The following ARK2N variants were observed in gnomAD, a reference collection of about 807,000 sequenced individuals.
ARK2N encodes the protein arkadia (RNF111) N-terminal like PKA signaling regulator 2N.
the ARK2N span, among the ~76,000 whole-genome samples, chr18:46,239,286 T>A: frequency 6.6e-6 from 1 of 152,198 alleles, no homozygotes; most frequent in African/African-American, 2.4e-5. Flanking sequence ...TCTTGTAAAA[T>A]CACCCATAAG....
chr18:46,185,365 T>A, the ARK2N span, among the ~76,000 whole-genome samples: 1 of 152,206 alleles, frequency 6.6e-6, no homozygotes, highest in Non-Finnish European at 1.5e-5. Context: ...ACTCTTAACT[T>A]CTTGGGCTTA....
the ARK2N span, among the ~76,000 whole-genome samples, chr18:46,181,301 T>C: frequency 2.0e-5 from 3 of 152,098 alleles, no homozygotes; most frequent in Non-Finnish European, 4.4e-5. Context: ...GTAATGCCAG[T>C]TCATTTACAA....
the ARK2N span, chr18:46,231,864 C>G: frequency 6.6e-6 from 1 of 151,842 alleles, no homozygotes; most frequent in African/African-American, 2.4e-5. Context: ...AAGTGATTCT[C>G]CTGCCTCAGC....
chr18:46,259,532 G>A, the ARK2N span, among the ~76,000 whole-genome samples: 3 of 151,900 alleles, frequency 2.0e-5, no homozygotes, highest in Admixed American at 6.6e-5. Flanking sequence ...GTGAGCCACC[G>A]CGCCCAGCCA....
chr18:46,225,921 C>T, the ARK2N span, among the ~76,000 whole-genome samples: 1 of 152,186 alleles, frequency 6.6e-6, no homozygotes, highest in Admixed American at 6.5e-5. Flanking sequence ...CATCCTCTTC[C>T]TTGCTTTTTA....
the ARK2N span, among the ~76,000 whole-genome samples, chr18:46,208,685 G>A: frequency 6.6e-6 from 1 of 151,828 alleles, no homozygotes; most frequent in African/African-American, 2.4e-5. Context: ...GGCCAGGATG[G>A]TCTCGATCTC....
the ARK2N span, among the ~76,000 whole-genome samples, chr18:46,205,032 C>T: frequency 6.6e-6 from 1 of 151,844 alleles, no homozygotes; most frequent in Non-Finnish European, 1.5e-5. Context: ...CAACTTCTGC[C>T]TCCTAGCTGG....
At chr18:46,233,994 G>C in the ARK2N span, among the ~76,000 whole-genome samples, 1 of 152,012 alleles carries the variant, frequency 6.6e-6, no homozygotes, top group Non-Finnish European at 1.5e-5. Context: ...GTAGTTTTTG[G>C]TATTTAAGGC....
the ARK2N span, chr18:46,174,387 C>T: frequency 6.6e-6 from 1 of 152,342 alleles, no homozygotes; most frequent in South Asian, 2.1e-4. Context: ...TTGGGGGGCC[C>T]GGGTTGCGTC....
the ARK2N span, among the ~76,000 whole-genome samples, chr18:46,214,652 T>C: frequency 6.6e-6 from 1 of 152,246 alleles, no homozygotes; most frequent in Admixed American, 6.5e-5. Context: ...TATGGTTAAT[T>C]GGAGTTGTAT....
the ARK2N span, among the ~76,000 whole-genome samples, chr18:46,234,783 C>G: frequency 2.0e-5 from 3 of 152,142 alleles, no homozygotes; most frequent in Non-Finnish European, 4.4e-5. Flanking sequence ...GATAACAGAA[C>G]CGGGCCTAGG....
the ARK2N span, among the ~76,000 whole-genome samples, chr18:46,230,941 C>A: frequency 6.6e-6 from 1 of 152,132 alleles, no homozygotes; most frequent in Non-Finnish European, 1.5e-5. Context: ...TGCTTTCTGC[C>A]TAGTTTGTGC....
chr18:46,198,498 T>C, the ARK2N span, among the ~76,000 whole-genome samples: 1 of 152,194 alleles, frequency 6.6e-6, no homozygotes, highest in African/African-American at 2.4e-5. Flanking sequence ...TTTTCACAAG[T>C]AAGAATTACT....
chr18:46,247,434 G>T, the ARK2N span, among the ~76,000 whole-genome samples: 2 of 152,080 alleles, frequency 1.3e-5, no homozygotes, highest in Non-Finnish European at 2.9e-5. Context: ...GAGATACTAA[G>T]AATTAACTAA....
the ARK2N span, among the ~76,000 whole-genome samples, chr18:46,182,789 A>G: frequency 1.1e-4 from 17 of 150,974 alleles, no homozygotes; most frequent in Middle Eastern, 3.4e-3. Flanking sequence ...CAGAAGTAGT[A>G]ATATCTGCAA....
the ARK2N span, among the ~76,000 whole-genome samples, chr18:46,191,794 C>T: frequency 2.6e-5 from 4 of 152,154 alleles, no homozygotes; most frequent in East Asian, 3.8e-4. Context: ...GTAGTTTGGC[C>T]TAAAAATCCT....
chr18:46,259,228 G>A, the ARK2N span, among the ~76,000 whole-genome samples: 1 of 151,280 alleles, frequency 6.6e-6, no homozygotes, highest in Non-Finnish European at 1.5e-5. Flanking sequence ...AAGTCACTCT[G>A]AGCTTTCTTT....
the ARK2N span, among the ~76,000 whole-genome samples, chr18:46,195,559 C>CTTTTTTTTTTTTTTT: frequency 4.1e-5 from 3 of 72,676 alleles, no homozygotes; most frequent in African/African-American, 1.2e-4. Context: ...CCCACATAAA[C>CTTTTTTTTTTTTTTT]TTTTTTTTTT....
At chr18:46,200,243 T>C in the ARK2N span, among the ~76,000 whole-genome samples, 2 of 152,216 alleles carry the variant, frequency 1.3e-5, no homozygotes, top group African/African-American at 4.8e-5. Context: ...GGGAGTCATT[T>C]ATACTGAGTT....
Sources: gnomAD v4.1 joint callset for allele counts (sites outside exome capture counted in the v4.1 genomes callset) on GRCh38, gnomAD v4.1.1 for gene constraint, MANE v1.5 for transcripts, NCBI Gene and HGNC (gene_info 2026-07-23, HGNC 2026-07-21) for gene names.